The following THOC2 variants were observed in gnomAD, a reference collection of about 807,000 sequenced individuals.
THOC2 encodes THO complex 2.
THOC2 carries 10 observed loss-of-function variants against 128.4 expected under a neutral mutation model. The ratio of observed to expected loss-of-function variants is 0.08; its 90% CI spans 0.05 to 0.13. The LOEUF (loss-of-function observed/expected upper bound fraction) is 0.13, where lower values mean the gene tolerates loss of function less well. Ranked by LOEUF, THOC2 falls within the 10% of genes least tolerant of loss-of-function variation. THOC2 has a pLI of 1.00. For missense variants in THOC2, 535 were observed against 1,155.7 expected, an observed-to-expected ratio of 0.46 and a Z score of 7.79; for synonymous variants, 393 against 396.9, an observed-to-expected ratio of 0.99 and a Z score of 0.12.
intron 8 of THOC2, among the ~76,000 whole-genome samples, chrX:123,677,606 C>T (rs1380954233): frequency 2.7e-5 from 3 of 111,621 alleles, no homozygotes; most frequent in East Asian, 2.8e-4. Flanking sequence ...CAGTGGCTCA[C>T]GCCTGTAATC....
rs751945826 is a variant in THOC2 at position 123,631,789 on chromosome X, T to C, written c.2380A>G (p.Ile794Val). Residue 794 changes from isoleucine (I) to valine (V), a missense_variant, in exon 22 of 39, where the codon ATA (isoleucine) becomes GTA (valine). By Grantham distance (29) the Ile-to-Val change is conservative. Coordinates refer to ENST00000245838, the MANE Select transcript of THOC2 (RefSeq NM_001081550.2). ...LASNLSTEDY[I>V]KRVPSIDVLC... ...ACATCAATTGAAGGCACTCGCTTTA[T>C]ATAATCTTCTGTGCTCAGATTAGAT... 1 of 1,207,807 alleles carries C rather than the reference T, an allele frequency of 8.3e-7. No homozygotes were observed. Among genetic ancestry groups the C allele is most frequent in the Non-Finnish European group, 1.1e-6 (1 of 893,419 alleles).
At chrX:123,603,463 T>C in intron 38 of THOC2, 1 of 453,032 alleles carries the variant, frequency 2.2e-6, no homozygotes, top group Non-Finnish European at 3.8e-6. Flanking sequence ...GAAATTTTCA[T>C]TAGATGCTGA....
chrX:123,646,521 G>A (rs2048133935), intron 12 of THOC2, among the ~76,000 whole-genome samples: 4 of 111,979 alleles, frequency 3.6e-5, no homozygotes, highest in Non-Finnish European at 7.5e-5. Flanking sequence ...GGTGTTTTGT[G>A]TATGCATACG....
intron 12 of THOC2, among the ~76,000 whole-genome samples, chrX:123,648,066 CGAA>C (rs935264823): frequency 1.8e-5 from 2 of 110,531 alleles, no homozygotes; most frequent in African/African-American, 3.3e-5. Context: ...ACAAGATCAA[CGAA>C]GAAGGTGAAT....
chrX:123,644,929 G>A lies in THOC2; in HGVS notation c.1429-20C>T, dbSNP rs368522507. 7 of 1,161,792 alleles carry A rather than the reference G, an allele frequency of 6.0e-6. No homozygotes were observed. Among genetic ancestry groups the A allele is most frequent in the Non-Finnish European group, 6.9e-6 (6 of 864,378 alleles). Reference sequence around the variant, plus strand: ...AACTTCCTAAAAGAAAGAAGGAAAAGTTATTTCAGTAAGAGGTCTATATTA... The same window carrying A: ...AACTTCCTAAAAGAAAGAAGGAAAAATTATTTCAGTAAGAGGTCTATATTA... On this transcript the variant is annotated intron_variant, in intron 13 of 38. Transcript: ENST00000245838.
At chrX:123,708,513 T>C (rs2051036117) in intron 2 of THOC2, among the ~76,000 whole-genome samples, 1 of 110,422 alleles carries the variant, frequency 9.1e-6, no homozygotes, top group Non-Finnish European at 1.9e-5. Context: ...TTTTTGGCTT[T>C]TTTTTTTTAA....
At chrX:123,692,227 C>T (rs1031234123) in intron 7 of THOC2, among the ~76,000 whole-genome samples, 3 of 111,779 alleles carry the variant, frequency 2.7e-5, no homozygotes, top group African/African-American at 9.8e-5. Flanking sequence ...CTGTGATATC[C>T]TTTCCTCTAA....
intron 7 of THOC2, among the ~76,000 whole-genome samples, chrX:123,689,404 T>C (rs962903217): frequency 1.5e-4 from 17 of 111,896 alleles, no homozygotes; most frequent in African/African-American, 5.2e-4. Context: ...AGGTAGCCAA[T>C]TGAAGGTTTA....
intron 4 of THOC2, among the ~76,000 whole-genome samples, chrX:123,700,544 T>TGGGG (rs1216548328): frequency 1.3e-3 from 30 of 22,906 alleles, no homozygotes; most frequent in Non-Finnish European, 1.7e-3. Flanking sequence ...GGTGAGGGGG[T>TGGGG]GGGGGGGGGT....
At chrX:123,627,614 A>G in intron 23 of THOC2, 79 bp downstream of exon 23, 1 of 987,872 alleles carries the variant, frequency 1.0e-6, no homozygotes, top group Non-Finnish European at 1.4e-6. Flanking sequence ...AAGGAACCAG[A>G]GCTAAAACAA....
chrX:123,638,705 A>G (rs1408782053), intron 17 of THOC2, among the ~76,000 whole-genome samples: 1 of 106,230 alleles, frequency 9.4e-6, no homozygotes, highest in African/African-American at 3.5e-5. Context: ...GTCTCCCTTT[A>G]TACAACACAA....
At chrX:123,617,058 A>C (rs771585642) in intron 33 of THOC2, among the ~76,000 whole-genome samples, 24 of 111,108 alleles carry the variant, frequency 2.2e-4, no homozygotes, top group Non-Finnish European at 4.2e-4. Context: ...AAACAGGCTA[A>C]AGATAATCAA....
In THOC2 at chrX:123,697,761, TGAA is replaced by T. The variant is rs2050503215; in HGVS notation, c.275-13_275-11del. The T allele has an allele frequency of 4.3e-6, 4 of 925,725 alleles. No homozygotes were observed. The highest frequency in any genetic ancestry group is 2.7e-4 in the Middle Eastern group (1 of 3,733). The allele number at this position is 925,725 out of a possible 1,213,427, so 76.3% of individuals were successfully genotyped here. A position where few individuals can be genotyped will look rare whatever the true frequency, so the allele number is the denominator to read the frequency against. On this transcript the variant is annotated splice_polypyrimidine_tract_variant and intron_variant, in intron 4 of 38. Transcript: ENST00000245838. ...CAATTTGTCTCAATGTCTATAATGA[TGAA>T]GAAGAAAAAAGTTTGATTGATTTGT...
intron 9 of THOC2, 127 bp from the exon 10 acceptor site, chrX:123,668,441 C>G (rs2049132059): frequency 2.4e-6 from 1 of 408,745 alleles, no homozygotes; most frequent in African/African-American, 2.6e-5. Flanking sequence ...GACCATTTGC[C>G]TTCTAAGTAA....
rs2050826521 is a variant in THOC2, at chrX:123,704,090, A to G, written c.223-585T>C. Among the ~76,000 whole-genome samples the G allele has an allele frequency of 2.7e-5, 3 of 111,219 alleles. No homozygotes were observed. In the Admixed American group the frequency reaches 2.9e-4, roughly 11 times the overall value. ...ACTTGATAAAAAAACAGAAACCTAA[A>G]CAAGCACTTTAGGAAATAAAGAGCA... On this transcript the variant is annotated intron_variant, in intron 3 of 38. Coordinates refer to ENST00000245838, the MANE Select transcript of THOC2 (RefSeq NM_001081550.2).
At chrX:123,718,616 G>A (rs941925137) in intron 1 of THOC2, among the ~76,000 whole-genome samples, 3 of 110,988 alleles carry the variant, frequency 2.7e-5, no homozygotes, top group Admixed American at 9.6e-5. Flanking sequence ...AAAATTATCC[G>A]GGCATGGTGG....
At chrX:123,700,167 T>C (rs1037170516) in intron 4 of THOC2, among the ~76,000 whole-genome samples, 3 of 109,431 alleles carry the variant, frequency 2.7e-5, no homozygotes, top group Admixed American at 2.0e-4. Context: ...CCCCTTTCTA[T>C]AGCTCTCATG....
chrX:123,619,043 T>A (rs1269058156), intron 33 of THOC2, among the ~76,000 whole-genome samples: 1 of 112,168 alleles, frequency 8.9e-6, no homozygotes, highest in African/African-American at 3.2e-5. Flanking sequence ...CCTGGCAGAT[T>A]TGTTTTGAAA....
chrX:123,677,165 G>C (rs1489201703), intron 8 of THOC2, among the ~76,000 whole-genome samples: 1 of 111,366 alleles, frequency 9.0e-6, no homozygotes, highest in Non-Finnish European at 1.9e-5. Flanking sequence ...ATAAGTGTTT[G>C]TGTATCTAAA....
Sources: allele counts gnomAD v4.1 joint callset (sites outside exome capture counted in the v4.1 genomes callset), GRCh38; gene constraint gnomAD v4.1.1; transcripts MANE v1.5; gene names NCBI Gene and HGNC (gene_info 2026-07-23, HGNC 2026-07-21).